Variants in ICE1 observed in about 807,000 individuals in gnomAD.
ICE1 encodes the protein little elongation complex subunit 1.
Under a neutral mutation model 192.7 loss-of-function variants are expected in ICE1, and 64 were observed. The ratio of observed to expected loss-of-function variants is 0.33; its 90% confidence interval spans 0.27 to 0.41. ICE1 has a LOEUF of 0.41. ICE1 is among the 10% of genes least tolerant of loss of function. The pLI, the probability that ICE1 is intolerant of heterozygous loss-of-function variation, is 1.00. For synonymous variants in ICE1, 1,010 were observed against 984.5 expected (o/e 1.03, Z -0.49); for missense variants, 2,708 against 2,696.0 (o/e 1.00, Z -0.10).
intron 1 of ICE1, among the ~76,000 whole-genome samples, chr5:5,434,564 A>G (rs1300789877): frequency 6.6e-6 from 1 of 152,228 alleles, no homozygotes; most frequent in East Asian, 1.9e-4. Context: ...CATACCCTTA[A>G]GAACCAATTA....
intron 3 of ICE1, 29 bp downstream of exon 3, chr5:5,437,143 GT>G (rs1737892327): frequency 1.3e-6 from 2 of 1,496,224 alleles, no homozygotes; most frequent in Non-Finnish European, 1.8e-6. Flanking sequence ...TTTCTGTTGA[GT>G]TTTGGAACTA....
rs968231876 is a variant in ICE1 at position 5,460,293 on chromosome 5, A to G, written c.1102-143A>G. The stretch of plus-strand genomic sequence containing the variant: ...AGCTGGAGAACTCCCCACCCACCAC[A>G]GAGATTCCTAGCCTGCCCCTGCTCA... On this transcript the variant is annotated intron_variant, in intron 12 of 18. Transcript: ENST00000296564. The G allele has an allele frequency of 1.8e-5, 12 of 653,230 alleles. No homozygotes were observed. In the African/African-American group the frequency reaches 2.2e-4, roughly 12 times the overall value. 40.5% of individuals were successfully genotyped at this position (653,230 alleles called of 1,614,324 possible).
chr5:5,435,552 A>G (rs531990202), intron 1 of ICE1, among the ~76,000 whole-genome samples: 62 of 152,308 alleles, frequency 4.1e-4, no homozygotes, highest in African/African-American at 1.2e-3. Flanking sequence ...GAAGTTAATG[A>G]AAAGAAAAAA....
chr5:5,429,491 G>A (rs1737634405), intron 1 of ICE1, among the ~76,000 whole-genome samples: 1 of 152,168 alleles, frequency 6.6e-6, no homozygotes, highest in Non-Finnish European at 1.5e-5. Flanking sequence ...GTAGAGGCCA[G>A]GGATTCTGCC....
At chr5:5,487,236 A>G (rs1739661187) in intron 18 of ICE1, among the ~76,000 whole-genome samples, 1 of 152,132 alleles carries the variant, frequency 6.6e-6, no homozygotes, top group Non-Finnish European at 1.5e-5. Flanking sequence ...ACTTAGCATC[A>G]AGGGGGGAGA....
chr5:5,431,325 GT>G (rs1737703379), intron 1 of ICE1, among the ~76,000 whole-genome samples: 1 of 152,294 alleles, frequency 6.6e-6, no homozygotes, highest in African/African-American at 2.4e-5. Flanking sequence ...GTCTCTGCCA[GT>G]TTGGTATAAA....
In ICE1 at chr5:5,475,955, C is replaced by T; in HGVS notation, c.6414-18C>T. The T allele has an allele frequency of 1.4e-6, 2 of 1,446,474 alleles. No individual in the cohort carries two copies. Among genetic ancestry groups the T allele is most frequent in the Non-Finnish European group, 1.9e-6 (2 of 1,032,266 alleles). 89.6% of individuals were successfully genotyped at this position (1,446,474 alleles called of 1,614,324 possible). On this transcript the variant is annotated intron_variant, in intron 16 of 18. Coordinates refer to ENST00000296564, the MANE Select transcript of ICE1 (RefSeq NM_015325.3). ...GAGTGATGATGAGCATACATCTTTT[C>T]ATGTTGTTTTTTTATAGTAAGGAGC...
chr5:5,457,366 G>C lies in ICE1; in HGVS notation c.726G>C (p.Val242=), dbSNP rs757916654. The C allele has an allele frequency of 3.8e-5, 62 of 1,613,070 alleles. No homozygotes were observed. The highest frequency in any genetic ancestry group is 2.2e-4 in the East Asian group (10 of 44,850). Residue 242 remains valine (V), a synonymous_variant, in exon 12 of 19, where the codon GTG becomes GTC. Coordinates refer to ENST00000296564, the MANE Select transcript of ICE1 (RefSeq NM_015325.3). ...CCAAAGCAATCACCAGCTCCAGAGT[G>C]CCTGGGGAAGATGGTACGCTACCTC... The part of the protein sequence containing the change: ...KPAKAITSSR[V]PGEDGTLPPT...
rs116079086 is a variant in ICE1 at position 5,432,948 on chromosome 5, A to T, written c.85-3470A>T. Among the ~76,000 whole-genome samples, 590 of 152,246 alleles carry T rather than the reference A, an allele frequency of 3.9e-3. 1 individual carries two copies. The highest frequency in any genetic ancestry group is 0.013 in the African/African-American group (549 of 41,546). On this transcript the variant is annotated intron_variant, in intron 1 of 18. Transcript: ENST00000296564. The stretch of plus-strand genomic sequence containing the variant: ...CTTGCAAAGAGCGAGTAGCAGATAC[A>T]CTGAGGATGTGGGGCTTCTGGACCC...
chr5:5,463,953 CATATT>C lies in ICE1; in HGVS notation c.4623_4627del (p.Tyr1541Ter). The C allele has an allele frequency of 6.2e-7, 1 of 1,613,806 alleles. No individual in the cohort carries two copies. Among genetic ancestry groups the C allele is most frequent in the Non-Finnish European group, 8.5e-7 (1 of 1,179,836 alleles). ...ACTCAGATTGTTGCGTCTGATCACA[CATATT>C]ATAACTCAAAACTAGAGCCATCTGG... On this transcript the variant is annotated frameshift_variant, in exon 13 of 19. Transcript: ENST00000296564. LOFTEE classifies it high-confidence loss of function.
intron 17 of ICE1, among the ~76,000 whole-genome samples, chr5:5,479,551 A>G (rs1250760152): frequency 6.6e-6 from 1 of 152,210 alleles, no homozygotes; most frequent in African/African-American, 2.4e-5. Context: ...TCAAGGATCT[A>G]GAAACAGAAA....
Position 5,464,881 on chromosome 5 carries a change from C to T in ICE1, c.5547C>T (p.Arg1849=), listed in dbSNP as rs370236024. Residue 1849 remains arginine (R), a synonymous_variant, in exon 13 of 19, where the codon CGC becomes CGT. Coordinates refer to ENST00000296564, the MANE Select transcript of ICE1 (RefSeq NM_015325.3). The surrounding 1 kb of genome is among the most constrained non-coding windows in gnomAD (Gnocchi z 4.0). ...TSTLRSAKRL[R]LDTGSPEPET... ...CACTGAGAAGTGCTAAAAGACTGCG[C>T]CTGGACACTGGGTCCCCAGAACCAG... The T allele has an allele frequency of 1.9e-5, 30 of 1,613,136 alleles. No homozygotes were observed. The highest frequency in any genetic ancestry group is 2.5e-5 in the Non-Finnish European group (29 of 1,179,540).
intron 14 of ICE1, among the ~76,000 whole-genome samples, chr5:5,468,045 A>G (rs1018354394): frequency 1.3e-5 from 2 of 152,246 alleles, no homozygotes; most frequent in African/African-American, 2.4e-5. Flanking sequence ...ACATTTTGAT[A>G]TATCAAGCAG....
chr5:5,464,411 C>T lies in ICE1; in HGVS notation c.5077C>T (p.Pro1693Ser). 4.3e-6 allele frequency: 7 copies of T among 1,613,912 alleles called. No homozygotes were observed. Among genetic ancestry groups the T allele is most frequent in the Non-Finnish European group, 5.9e-6 (7 of 1,179,868 alleles). Residue 1693 changes from proline to serine, a missense_variant, in exon 13 of 19, where the codon CCT (proline) becomes TCT (serine). By Grantham distance (74) the Pro-to-Ser change is moderately conservative. Transcript: ENST00000296564. The surrounding 1 kb of genome is among the most constrained non-coding windows in gnomAD (Gnocchi z 4.0). ...GCCAGAGGACCCCAGACGTGCCTCT[C>T]CTCCAGATCCTTCTCCATCTCCATC... ...PWPEDPRRAS[P>S]PDPSPSPSAA...
At chr5:5,443,925 T>C (rs1215281464) in intron 6 of ICE1, among the ~76,000 whole-genome samples, 1 of 152,216 alleles carries the variant, frequency 6.6e-6, no homozygotes, top group African/African-American at 2.4e-5. Context: ...GTTAACGCTA[T>C]GCATGCTCCT....
intron 15 of ICE1, among the ~76,000 whole-genome samples, chr5:5,470,295 C>T (rs1032677277): frequency 1.3e-5 from 2 of 152,126 alleles, no homozygotes; most frequent in African/African-American, 2.4e-5. Flanking sequence ...GAGGGTTACC[C>T]GCCTTCAGAA....
At chr5:5,428,766 A>G (rs1737608399) in intron 1 of ICE1, among the ~76,000 whole-genome samples, 1 of 152,144 alleles carries the variant, frequency 6.6e-6, no homozygotes, top group South Asian at 2.1e-4. Flanking sequence ...ACTCAAAGTC[A>G]TGTCAGGAAT....
chr5:5,423,835 A>G (rs1375353135), intron 1 of ICE1, among the ~76,000 whole-genome samples: 1 of 152,244 alleles, frequency 6.6e-6, no homozygotes, highest in Non-Finnish European at 1.5e-5. Context: ...TAGGAACTAC[A>G]GACATTGTGG....
Position 5,476,086 on chromosome 5 carries a change from T to C in ICE1, c.6520+7T>C, listed in dbSNP as rs1471135631. 1 of 1,509,684 alleles carries C rather than the reference T, an allele frequency of 6.6e-7. No individual in the cohort carries two copies. The highest frequency in any genetic ancestry group is 1.4e-5 in the African/African-American group (1 of 71,144). 93.5% of individuals were successfully genotyped at this position (1,509,684 alleles called of 1,614,324 possible). A position where few individuals can be genotyped will look rare whatever the true frequency, so the allele number is the denominator to read the frequency against. ...TCAATACTGAGGCTGATTGGTAAGT[T>C]GTCTGTTTTATTATTGTTTTTTTCT... On this transcript the variant is annotated splice_region_variant and intron_variant, in intron 17 of 18. Transcript: ENST00000296564.
Sources: allele counts gnomAD v4.1 joint callset (sites outside exome capture counted in the v4.1 genomes callset), GRCh38; gene constraint gnomAD v4.1.1; non-coding constraint Gnocchi (gnomAD v3.1); transcripts MANE v1.5; gene names NCBI Gene and HGNC (gene_info 2026-07-23, HGNC 2026-07-21).